Variants in PTPRN2 observed in about 807,000 individuals in gnomAD.
The protein encoded by PTPRN2 is protein tyrosine phosphatase receptor type N2, also known as receptor-type tyrosine-protein phosphatase N2.
PTPRN2 carries 74 observed loss-of-function variants against 118.8 expected under a neutral mutation model. The ratio of observed to expected loss-of-function variants is 0.62; its 90% CI spans 0.52 to 0.76. The LOEUF is 0.76. Ranked by LOEUF, PTPRN2 falls within the 30% of genes least tolerant of loss-of-function variation. The pLI is 0.00. For missense variants in PTPRN2, 1,481 were observed against 1,394.4 expected (o/e 1.06, Z -0.99); for synonymous variants, 641 against 608.0 (o/e 1.05, Z -0.80).
intron 1 of PTPRN2, among the ~76,000 whole-genome samples, chr7:158,518,206 G>A (rs910923441): frequency 2.0e-5 from 3 of 152,140 alleles, no homozygotes; most frequent in East Asian, 1.9e-4. Flanking sequence ...TAATAGAGAC[G>A]ATACGGATTT....
At chr7:158,416,578 G>A (rs147829827) in intron 2 of PTPRN2, among the ~76,000 whole-genome samples, 28 of 152,288 alleles carry the variant, frequency 1.8e-4, no homozygotes, top group African/African-American at 2.6e-4. Flanking sequence ...ACAACATTTC[G>A]CAGAAGTGAA....
intron 5 of PTPRN2, among the ~76,000 whole-genome samples, chr7:158,190,816 G>A (rs1291584396): frequency 3.9e-5 from 6 of 152,274 alleles, no homozygotes; most frequent in Non-Finnish European, 2.9e-5. Context: ...TTTGGCGGCC[G>A]TGGACAGACT....
At chr7:158,318,033 C>T (rs896882996) in intron 2 of PTPRN2, among the ~76,000 whole-genome samples, 2 of 152,260 alleles carry the variant, frequency 1.3e-5, no homozygotes, top group East Asian at 1.9e-4. Context: ...GCCAGGCCCG[C>T]GCCGTTTCCC....
intron 12 of PTPRN2, among the ~76,000 whole-genome samples, chr7:157,743,057 G>A (rs1445040936): frequency 6.6e-6 from 1 of 152,166 alleles, no homozygotes. Flanking sequence ...CACTCACTGA[G>A]CCAGGCTGTG....
chr7:158,066,240 G>A (rs1215913449), intron 11 of PTPRN2, among the ~76,000 whole-genome samples: 1 of 152,180 alleles, frequency 6.6e-6, no homozygotes, highest in East Asian at 1.9e-4. Context: ...CCAACCACCA[G>A]CCTGGGATGG....
At chr7:157,740,253 G>A (rs1256640447) in intron 12 of PTPRN2, 1 of 152,226 alleles carries the variant, frequency 6.6e-6, no homozygotes, top group African/African-American at 2.4e-5. Context: ...TTTCCTTGGT[G>A]GATCAGGTTC....
rs1301937615 is a variant in PTPRN2 at position 158,185,985 on chromosome 7, T to C, written c.549+6342A>G. Among the ~76,000 whole-genome samples the C allele has an allele frequency of 2.8e-5, 4 of 143,674 alleles. No individual in the cohort carries two copies. The East Asian group carries it at 8.6e-4, about 31-fold the overall frequency. 94.3% of individuals were successfully genotyped at this position (143,674 alleles called of 152,430 possible). A position where few individuals can be genotyped will look rare whatever the true frequency, so the allele number is the denominator to read the frequency against. On this transcript the variant is annotated intron_variant, in intron 5 of 22. Transcript: ENST00000389418. The stretch of plus-strand genomic sequence containing the variant: ...CCACATGGGGCACTCCATAGAGGCC[T>C]GGTGCTCCTTGGCAGGATTTCTCCC...
intron 12 of PTPRN2, among the ~76,000 whole-genome samples, chr7:157,775,190 C>T (rs138292805): frequency 1.9e-3 from 293 of 152,296 alleles, no homozygotes; most frequent in Non-Finnish European, 3.1e-3. Flanking sequence ...GAAGATGGCG[C>T]CACTCTGCAG....
intron 2 of PTPRN2, among the ~76,000 whole-genome samples, chr7:158,415,043 TTCTCTGATGATACAACCAGCTACTTC>T (rs1814538115): frequency 4.2e-5 from 1 of 23,894 alleles, no homozygotes; most frequent in South Asian, 1.5e-3. Flanking sequence ...AACCAGCTAC[TTCTCTGATGATACAACCAGCTACTTC>T]TCTGATGATA....
At chr7:157,867,949 C>A (rs939522399) in intron 12 of PTPRN2, among the ~76,000 whole-genome samples, 3 of 152,168 alleles carry the variant, frequency 2.0e-5, no homozygotes, top group African/African-American at 7.2e-5. Flanking sequence ...GGACTGGGGG[C>A]ACCGTGCCTG....
intron 2 of PTPRN2, among the ~76,000 whole-genome samples, chr7:158,318,444 C>T (rs1802529603): frequency 6.6e-6 from 1 of 152,220 alleles, no homozygotes; most frequent in African/African-American, 2.4e-5. Context: ...AATCCTAGGC[C>T]TCAGGACCAA....
At chr7:158,541,801 G>A in intron 1 of PTPRN2, 2 of 935,332 alleles carry the variant, frequency 2.1e-6, no homozygotes, top group Non-Finnish European at 2.6e-6. Context: ...AAGGGGCCAA[G>A]GCCGCTGGGG....
At chr7:157,687,137 G>A (rs571388198) in intron 12 of PTPRN2, among the ~76,000 whole-genome samples, 2 of 151,890 alleles carry the variant, frequency 1.3e-5, no homozygotes, top group Non-Finnish European at 2.9e-5. Flanking sequence ...AAATTATTTT[G>A]ACCGTGCCCC....
At chr7:158,404,237 G>A (rs1053739041) in intron 2 of PTPRN2, among the ~76,000 whole-genome samples, 8 of 152,232 alleles carry the variant, frequency 5.3e-5, no homozygotes, top group South Asian at 4.1e-4. Context: ...GTGGGGACAC[G>A]TGCTGGAGGT....
rs554407051 is a variant in PTPRN2 at position 157,674,708 on chromosome 7, C to T, written c.2001+8017G>A. On this transcript the variant is annotated intron_variant, in intron 13 of 22. Coordinates refer to ENST00000389418, the MANE Select transcript of PTPRN2 (RefSeq NM_002847.5). The surrounding 1 kb of genome is among the most constrained non-coding windows in gnomAD (Gnocchi z 4.5). ...TTTACAGCAACGGCCTGAGGACCCT[C>T]GGCCCCAAGGTGAGGCCCCGCGCAG... Among the ~76,000 whole-genome samples, 9 of 152,336 alleles carry T rather than the reference C, an allele frequency of 5.9e-5. No homozygotes were observed. The East Asian group carries it at 1.4e-3, about 23-fold the overall frequency.
At chr7:158,261,772 T>C (rs1269405377) in intron 3 of PTPRN2, among the ~76,000 whole-genome samples, 1 of 152,200 alleles carries the variant, frequency 6.6e-6, no homozygotes, top group African/African-American at 2.4e-5. Context: ...GGCACCGCCA[T>C]GAGCCACCCT....
Position 157,545,171 on chromosome 7 carries a change from TGA to T in PTPRN2, c.2976+3773_2976+3774del, listed in dbSNP as rs1798234376. ...TGTGTGGGTGTGTGCAGTGTGTGGC[TGA>T]GTGGTGTTTGTGGGTGTCTGTGGGT... is the stretch of plus-strand genomic sequence containing the variant. On this transcript the variant is annotated intron_variant, in intron 22 of 22. Transcript: ENST00000389418. Among the ~76,000 whole-genome samples, 4 of 145,402 alleles carry T rather than the reference TGA, an allele frequency of 2.8e-5. No homozygotes were observed. In the East Asian group the frequency reaches 8.4e-4, roughly 31 times the overall value.
chr7:157,883,607 C>T (rs538270632), intron 12 of PTPRN2, among the ~76,000 whole-genome samples: 1 of 151,148 alleles, frequency 6.6e-6, no homozygotes, highest in African/African-American at 2.4e-5. Context: ...GAACACACCA[C>T]CCCAAAATGA....
chr7:158,165,476 T>C (rs1270875372), intron 6 of PTPRN2, among the ~76,000 whole-genome samples: 1 of 152,244 alleles, frequency 6.6e-6, no homozygotes, highest in African/African-American at 2.4e-5. Context: ...TGGTCACACG[T>C]CCTTCCCTCT....
Sources: allele counts gnomAD v4.1 joint callset (sites outside exome capture counted in the v4.1 genomes callset), GRCh38; gene constraint gnomAD v4.1.1; non-coding constraint Gnocchi (gnomAD v3.1); transcripts MANE v1.5; gene names NCBI Gene and HGNC (gene_info 2026-07-23, HGNC 2026-07-21).